Variants in ADAMTS17 observed in about 807,000 individuals in gnomAD.
ADAMTS17 encodes A disintegrin and metalloproteinase with thrombospondin motifs 17.
A neutral mutation model predicts 141.5 loss-of-function variants in ADAMTS17; 113 were observed. The ratio of observed to expected loss-of-function variants is 0.80; its 90% CI spans 0.69 to 0.93. ADAMTS17 has a LOEUF of 0.93. Ranked by LOEUF, ADAMTS17 falls within the 40% of genes least tolerant of loss-of-function variation. ADAMTS17 has a pLI of 0.00. For synonymous variants in ADAMTS17, 768 were observed against 630.6 expected (o/e 1.22, Z -3.27); for missense variants, 1,659 against 1,517.9 (o/e 1.09, Z -1.54).
At chr15:100,304,142 A>G (rs539641915) in intron 3 of ADAMTS17, among the ~76,000 whole-genome samples, 10 of 152,312 alleles carry the variant, frequency 6.6e-5, no homozygotes, top group Non-Finnish European at 1.5e-4. Flanking sequence ...CAACCAGGCT[A>G]TATCATCTCG....
At chr15:100,122,555 T>C (rs2037503699) in intron 12 of ADAMTS17, among the ~76,000 whole-genome samples, 1 of 152,192 alleles carries the variant, frequency 6.6e-6, no homozygotes, top group African/African-American at 2.4e-5. Context: ...ACCCCTCACA[T>C]GTAGTAGAAA....
chr15:100,337,870 T>C (rs973795895), intron 2 of ADAMTS17, among the ~76,000 whole-genome samples: 2 of 152,360 alleles, frequency 1.3e-5, no homozygotes, highest in South Asian at 4.1e-4. Flanking sequence ...TGTCTACCTA[T>C]GAAGTTCAGC....
intron 19 of ADAMTS17, among the ~76,000 whole-genome samples, chr15:99,994,028 C>A (rs1383656220): frequency 6.6e-6 from 1 of 152,142 alleles, no homozygotes; most frequent in African/African-American, 2.4e-5. Flanking sequence ...CTGCTCCTGA[C>A]ACGCCCACCA....
intron 20 of ADAMTS17, among the ~76,000 whole-genome samples, chr15:99,991,446 A>T (rs2060688289): frequency 6.6e-6 from 1 of 152,248 alleles, no homozygotes; most frequent in Non-Finnish European, 1.5e-5. Context: ...GTCATTAGAG[A>T]AATGCAAATC....
intron 15 of ADAMTS17, chr15:100,063,494 G>C (rs2033276944): frequency 2.6e-6 from 1 of 385,604 alleles, no homozygotes; most frequent in Admixed American, 3.0e-5. Context: ...ATCCACCATG[G>C]GGGTGGCTGC....
intron 3 of ADAMTS17, among the ~76,000 whole-genome samples, chr15:100,315,683 T>TA (rs763207993): frequency 1.0e-3 from 157 of 152,066 alleles, no homozygotes; most frequent in Non-Finnish European, 1.9e-3. Context: ...CAAAAAATTT[T>TA]AAAAAAAATT....
intron 18 of ADAMTS17, among the ~76,000 whole-genome samples, chr15:100,019,945 A>G (rs915858631): frequency 4.6e-5 from 7 of 151,766 alleles, no homozygotes; most frequent in Admixed American, 3.9e-4. Flanking sequence ...AATTCCTACT[A>G]CTCACACATG....
intron 15 of ADAMTS17, among the ~76,000 whole-genome samples, chr15:100,065,245 T>C (rs531781681): frequency 2.1e-4 from 32 of 152,298 alleles, no homozygotes; most frequent in African/African-American, 5.8e-4. Flanking sequence ...CATACATATA[T>C]CATTTTATGT....
chr15:100,206,888 C>T (rs371119335), intron 7 of ADAMTS17, among the ~76,000 whole-genome samples: 1 of 152,298 alleles, frequency 6.6e-6, no homozygotes, highest in African/African-American at 2.4e-5. Flanking sequence ...CTGTTTGAAT[C>T]ACAGTTATTA....
intron 14 of ADAMTS17, among the ~76,000 whole-genome samples, chr15:100,098,293 G>A (rs1319860006): frequency 1.3e-5 from 2 of 152,072 alleles, no homozygotes; most frequent in Non-Finnish European, 2.9e-5. Context: ...GCGCAGTGCA[G>A]GGCTGCCTAG....
intron 10 of ADAMTS17, among the ~76,000 whole-genome samples, chr15:100,137,932 A>G (rs1485162128): frequency 6.6e-6 from 1 of 151,080 alleles, no homozygotes; most frequent in East Asian, 1.9e-4. Flanking sequence ...CCACCCTTTC[A>G]CTGCCAACAC....
At chr15:100,306,413 C>G (rs2045227358) in intron 3 of ADAMTS17, 1 of 450,310 alleles carries the variant, frequency 2.2e-6, no homozygotes, top group Admixed American at 2.4e-5. Context: ...TGTCTGCCAC[C>G]AAGGTATGGA....
At chr15:100,018,789 A>G (rs1462737054) in intron 18 of ADAMTS17, among the ~76,000 whole-genome samples, 3 of 152,236 alleles carry the variant, frequency 2.0e-5, no homozygotes, top group Admixed American at 1.3e-4. Context: ...GGGGAATTTA[A>G]AAACCAAATG....
intron 18 of ADAMTS17, among the ~76,000 whole-genome samples, chr15:100,005,512 T>C (rs1428911548): frequency 6.6e-6 from 1 of 152,096 alleles, no homozygotes; most frequent in Non-Finnish European, 1.5e-5. Flanking sequence ...AGACCAGCAG[T>C]GGTGGGGGAG....
At chr15:100,239,705 C>A (rs2042770282) in intron 7 of ADAMTS17, among the ~76,000 whole-genome samples, 2 of 152,176 alleles carry the variant, frequency 1.3e-5, no homozygotes, top group African/African-American at 2.4e-5. Context: ...GCTACTGGAG[C>A]ACAGTCCAGG....
intron 15 of ADAMTS17, among the ~76,000 whole-genome samples, chr15:100,085,932 C>T (rs996840582): frequency 5.9e-5 from 9 of 151,964 alleles, no homozygotes; most frequent in Non-Finnish European, 2.9e-5. Flanking sequence ...GAAGAAACTG[C>T]ATCAACTAAT....
chr15:100,179,288 AT>A (rs1567309193), intron 8 of ADAMTS17, among the ~76,000 whole-genome samples: 1 of 152,028 alleles, frequency 6.6e-6, no homozygotes, highest in Admixed American at 6.6e-5. Context: ...AATTGTTTTA[AT>A]TTTTAGCTCC....
intron 4 of ADAMTS17, among the ~76,000 whole-genome samples, chr15:100,265,091 C>A (rs4965614): frequency 1.3e-5 from 2 of 152,210 alleles, no homozygotes; most frequent in East Asian, 3.9e-4. Flanking sequence ...AGGGCACTGA[C>A]GTCCAAGAGA....
At chr15:100,062,008 G>A (rs1350036751) in intron 15 of ADAMTS17, among the ~76,000 whole-genome samples, 1 of 152,204 alleles carries the variant, frequency 6.6e-6, no homozygotes, top group African/African-American at 2.4e-5. Context: ...GAGAGGGAGT[G>A]GGCTCTTTGC....
Sources: allele counts gnomAD v4.1 joint callset (sites outside exome capture counted in the v4.1 genomes callset), GRCh38; gene constraint gnomAD v4.1.1; transcripts MANE v1.5; gene names NCBI Gene and HGNC (gene_info 2026-07-23, HGNC 2026-07-21).